CD28: variants seen among roughly 807,000 people sequenced by gnomAD.
CD28 encodes CD28 molecule.
In CD28, 8 loss-of-function variants were observed where a neutral mutation model predicts 21.4. The ratio of observed to expected loss-of-function variants is 0.37; its 90% CI spans 0.22 to 0.68. CD28 has a LOEUF of 0.68. Ranked by LOEUF, CD28 falls within the 30% of genes least tolerant of loss-of-function variation. CD28 has a pLI of 0.55. For synonymous variants in CD28, 106 were observed against 104.0 expected, an observed-to-expected ratio of 1.02 and a Z score of -0.12; for missense variants, 239 against 272.2, an observed-to-expected ratio of 0.88 and a Z score of 0.86.
chr2:203,721,338 C>T (rs750960596), intron 1 of CD28, among the ~76,000 whole-genome samples: 3 of 152,178 alleles, frequency 2.0e-5, no homozygotes, highest in Non-Finnish European at 2.9e-5. Context: ...TCATCACCTT[C>T]AGAAGAGAGC....
At chr2:203,712,686 G>A (rs146424153) in intron 1 of CD28, among the ~76,000 whole-genome samples, 1 of 152,138 alleles carries the variant, frequency 6.6e-6, no homozygotes, top group Non-Finnish European at 1.5e-5. Flanking sequence ...GAATGAATTA[G>A]TAACAAAATG....
chr2:203,708,526 A>T (rs1693221099), intron 1 of CD28, among the ~76,000 whole-genome samples: 1 of 152,232 alleles, frequency 6.6e-6, no homozygotes, highest in East Asian at 1.9e-4. Flanking sequence ...CCTATCTGTC[A>T]TCAACTTATT....
intron 1 of CD28, among the ~76,000 whole-genome samples, chr2:203,722,587 G>A (rs753001946): frequency 6.6e-6 from 1 of 152,220 alleles, no homozygotes; most frequent in Non-Finnish European, 1.5e-5. Context: ...ACTGTGTTAT[G>A]TAAAGAAGCA....
At chr2:203,712,342 C>T (rs1192696164) in intron 1 of CD28, among the ~76,000 whole-genome samples, 1 of 152,124 alleles carries the variant, frequency 6.6e-6, no homozygotes, top group African/African-American at 2.4e-5. Flanking sequence ...CATCTGGAAA[C>T]AGATAAATAA....
At chr2:203,726,024 C>A (rs780860528) in intron 1 of CD28, among the ~76,000 whole-genome samples, 17 of 152,200 alleles carry the variant, frequency 1.1e-4, no homozygotes, top group Non-Finnish European at 2.4e-4. Flanking sequence ...GGCTAGCCAA[C>A]ATGGTGAAAC....
rs939123418 is a variant in CD28, at chr2:203,713,677, A to G, written c.52+6929A>G. On this transcript the variant is annotated intron_variant, in intron 1 of 3. Transcript: ENST00000324106. ...AAGTGGAGGGGGACAAAACAGAGAC[A>G]GTGAAAAGGAGAGGAAATAGATAAG... is the stretch of plus-strand genomic sequence containing the variant. 1.3e-5 allele frequency among the ~76,000 whole-genome samples: 2 copies of G among 152,200 alleles called. 1 individual carries two copies. Among genetic ancestry groups the G allele is most frequent in the Admixed American group, 1.3e-4 (2 of 15,270 alleles).
At chr2:203,715,748 C>T (rs1693446170) in intron 1 of CD28, among the ~76,000 whole-genome samples, 1 of 152,164 alleles carries the variant, frequency 6.6e-6, no homozygotes, top group Non-Finnish European at 1.5e-5. Context: ...TTCCTCTTAA[C>T]TTACCTCATT....
chr2:203,706,898 T>A (rs1036879555), intron 1 of CD28, 150 bp downstream of exon 1: 1 of 655,002 alleles, frequency 1.5e-6, no homozygotes. Context: ...TTGAAAATCA[T>A]TGATTCTCAG....
In CD28 at chr2:203,734,801, C is replaced by T. The variant is rs1336219960; in HGVS notation, c.552C>T (p.Ser184=). The change falls in exon 4 of 4, where the codon AGC becomes AGT. Residue 184 remains serine, a synonymous_variant. Transcript: ENST00000324106. ...TCCTGCAGGTGAGGAGTAAGAGGAG[C>T]AGGCTCCTGCACAGTGACTACATGA... is the stretch of plus-strand genomic sequence containing the variant. ...FIIFWVRSKR[S]RLLHSDYMNM... 2 of 1,614,178 alleles carry T rather than the reference C, an allele frequency of 1.2e-6. No individual in the cohort carries two copies. Among genetic ancestry groups the T allele is most frequent in the Non-Finnish European group, 1.7e-6 (2 of 1,179,998 alleles).
chr2:203,709,925 C>T (rs935471892), intron 1 of CD28, among the ~76,000 whole-genome samples: 70 of 152,094 alleles, frequency 4.6e-4, no homozygotes, highest in African/African-American at 1.7e-3. Context: ...CTTCCCTTAG[C>T]GCTTATTTTT....
intron 2 of CD28, 83 bp downstream of exon 2, chr2:203,727,072 G>A: frequency 1.2e-6 from 1 of 849,090 alleles, no homozygotes; most frequent in Non-Finnish European, 1.9e-6. Flanking sequence ...GGTCAGTGGT[G>A]GGGTTGAATA....
chr2:203,722,909 C>T (rs1693640368), intron 1 of CD28, among the ~76,000 whole-genome samples: 1 of 152,094 alleles, frequency 6.6e-6, no homozygotes, highest in Non-Finnish European at 1.5e-5. Context: ...CCTGTGGAGG[C>T]CGATTTGAGG....
chr2:203,713,043 G>A (rs1220517062), intron 1 of CD28, among the ~76,000 whole-genome samples: 3 of 152,166 alleles, frequency 2.0e-5, no homozygotes, highest in Non-Finnish European at 4.4e-5. Flanking sequence ...TGGGGTTCAT[G>A]TTCTTACCAA....
chr2:203,730,867 A>AT (rs983653533), intron 3 of CD28, among the ~76,000 whole-genome samples: 5 of 152,244 alleles, frequency 3.3e-5, no homozygotes, highest in Non-Finnish European at 2.9e-5. Context: ...TCTGAAAGCC[A>AT]TATCATATGA....
At chr2:203,732,662 C>T (rs761148437) in intron 3 of CD28, among the ~76,000 whole-genome samples, 6 of 152,170 alleles carry the variant, frequency 3.9e-5, no homozygotes, top group Admixed American at 2.0e-4. Flanking sequence ...ATATCATTAG[C>T]TGACATTCAC....
At chr2:203,727,099 A>G in intron 2 of CD28, 110 bp downstream of exon 2, 3 of 693,348 alleles carry the variant, frequency 4.3e-6, no homozygotes, top group Non-Finnish European at 7.6e-6. Context: ...AAGTGATTTG[A>G]TACTAACAAA....
Position 203,736,292 on chromosome 2 carries a change from A to G in CD28, c.*1380A>G, listed in dbSNP as rs1247152015. 2 of 152,650 alleles carry G rather than the reference A, an allele frequency of 1.3e-5. No individual in the cohort carries two copies. The highest frequency in any genetic ancestry group is 2.9e-5 in the Non-Finnish European group (2 of 68,058). The allele number at this position is 152,650 out of a possible 1,614,324, so 9.5% of individuals were successfully genotyped here. On this transcript the variant is annotated 3_prime_UTR_variant, in exon 4 of 4. Coordinates refer to ENST00000324106, the MANE Select transcript of CD28 (RefSeq NM_006139.4). ...AGAAGGTTCTTTGGAAGGAGGACGAATAGAATGGAGTAATGAAATTCTTGC... is the reference window on the plus strand; with the variant it reads ...AGAAGGTTCTTTGGAAGGAGGACGAGTAGAATGGAGTAATGAAATTCTTGC...
chr2:203,729,985 G>C (rs775521159), intron 3 of CD28, among the ~76,000 whole-genome samples: 9 of 152,192 alleles, frequency 5.9e-5, no homozygotes, highest in Non-Finnish European at 1.2e-4. Context: ...CATTGAGTAG[G>C]TGGTGAGGCA....
chr2:203,709,772 G>A (rs1581497347), intron 1 of CD28, among the ~76,000 whole-genome samples: 2 of 152,118 alleles, frequency 1.3e-5, no homozygotes, highest in East Asian at 3.9e-4. Context: ...CTATTTTTTA[G>A]CAAGCCTAAT....
Sources: gnomAD v4.1 joint callset for allele counts (sites outside exome capture counted in the v4.1 genomes callset) on GRCh38, gnomAD v4.1.1 for gene constraint, MANE v1.5 for transcripts, NCBI Gene and HGNC (gene_info 2026-07-23, HGNC 2026-07-21) for gene names.